Variants in LMF1 observed in about 807,000 individuals in gnomAD.
LMF1 encodes transmembrane protein 112.
LMF1 carries 68 observed loss-of-function variants against 60.6 expected under a neutral mutation model. That is an observed-to-expected ratio of 1.12 (90% CI 0.92 to 1.37). LMF1 has a LOEUF of 1.37. Among genes scored for constraint, LMF1 ranks in the 40% most tolerant of loss-of-function variants. The pLI is 0.00. For missense variants in LMF1, 948 were observed against 767.2 expected, an observed-to-expected ratio of 1.24 and a Z score of -2.78; for synonymous variants, 418 against 324.7, an observed-to-expected ratio of 1.29 and a Z score of -3.09.
Position 854,833 on chromosome 16 carries a change from C to T in LMF1, c.1530-127G>A, listed in dbSNP as rs1339540569. 11 of 874,214 alleles carry T rather than the reference C, an allele frequency of 1.3e-5. No individual in the cohort carries two copies. The South Asian group carries it at 1.6e-4, about 13-fold the overall frequency. The allele number at this position is 874,214 out of a possible 1,614,324, so 54.2% of individuals were successfully genotyped here. On this transcript the variant is annotated intron_variant, in intron 10 of 10. Coordinates refer to ENST00000262301, the MANE Select transcript of LMF1 (RefSeq NM_022773.4). ...ACGGACAGAGGGGCTGCATGAGGAGCCCCCACCCTGAGCACAGGTAGACCC... is the reference window on the plus strand; with the variant it reads ...ACGGACAGAGGGGCTGCATGAGGAGTCCCCACCCTGAGCACAGGTAGACCC...
At chr16:951,725 C>T (rs992978474) in intron 2 of LMF1, among the ~76,000 whole-genome samples, 1 of 152,190 alleles carries the variant, frequency 6.6e-6, no homozygotes. Context: ...GCTCATGACT[C>T]CTGCAGACCC....
chr16:970,290 G>C (rs1411941228), intron 1 of LMF1, among the ~76,000 whole-genome samples: 1 of 152,082 alleles, frequency 6.6e-6, no homozygotes, highest in East Asian at 1.9e-4. Flanking sequence ...TGTGGCGTGC[G>C]GGCGTCCAGT....
At chr16:927,342 G>A (rs777942974) in intron 3 of LMF1, among the ~76,000 whole-genome samples, 15 of 152,222 alleles carry the variant, frequency 9.9e-5, no homozygotes, top group Admixed American at 2.0e-4. Flanking sequence ...CAGGTGACAG[G>A]GAAGGGCTCT....
intron 1 of LMF1, among the ~76,000 whole-genome samples, chr16:970,549 G>T (rs1026339151): frequency 6.6e-6 from 1 of 152,152 alleles, no homozygotes; most frequent in African/African-American, 2.4e-5. Context: ...GGGTGGAACC[G>T]GGAGCCCAGG....
At chr16:943,726 CAAAAAAAA>C (rs3057499) in intron 2 of LMF1, among the ~76,000 whole-genome samples, 5 of 56,816 alleles carry the variant, frequency 8.8e-5, no homozygotes, top group South Asian at 8.5e-4. Flanking sequence ...GACTCTGTCT[CAAAAAAAA>C]AAAAAAAAAA....
At chr16:913,366 C>A (rs1320311673) in intron 3 of LMF1, among the ~76,000 whole-genome samples, 1 of 152,262 alleles carries the variant, frequency 6.6e-6, no homozygotes, top group East Asian at 1.9e-4. Context: ...GCGACACAGA[C>A]AGCGTTGGCC....
At chr16:911,108 G>C (rs746492837) in intron 3 of LMF1, 29 bp from the exon 4 acceptor site, 5 of 1,601,046 alleles carry the variant, frequency 3.1e-6, no homozygotes, top group Non-Finnish European at 3.4e-6. Context: ...CCAAAGGTGA[G>C]TTAATGGAAG....
chr16:907,570 A>C (rs915425891), intron 4 of LMF1, among the ~76,000 whole-genome samples: 5 of 152,030 alleles, frequency 3.3e-5, no homozygotes, highest in African/African-American at 1.2e-4. Flanking sequence ...TGAGGAACCC[A>C]GTGGTTAGGG....
At chr16:960,382 G>A (rs77090395) in intron 1 of LMF1, among the ~76,000 whole-genome samples, 4,192 of 57,504 alleles carry the variant, frequency 0.073, 249 homozygotes, top group African/African-American at 0.22. Flanking sequence ...CACGGTGACA[G>A]CACGGGATCA....
intron 6 of LMF1, among the ~76,000 whole-genome samples, chr16:877,654 C>T (rs966487580): frequency 2.6e-5 from 4 of 152,218 alleles, no homozygotes; most frequent in African/African-American, 9.7e-5. Context: ...AAACAACCCA[C>T]AGCCGGCATC....
At chr16:863,394 G>A (rs1567142830) in intron 10 of LMF1, among the ~76,000 whole-genome samples, 1 of 152,108 alleles carries the variant, frequency 6.6e-6, no homozygotes, top group Admixed American at 6.5e-5. Context: ...CACCCGCCTT[G>A]GCCTCCCAAA....
In LMF1 at chr16:903,008, T is replaced by C. The variant is rs1187805688; in HGVS notation, c.663+7923A>G. ...GCGTGGTGGTGACCTCTGCACTGCC[T>C]GTGGGGACGCCTGTCTCTGCTGTGT... is the stretch of plus-strand genomic sequence containing the variant. On this transcript the variant is annotated intron_variant, in intron 4 of 10. Transcript: ENST00000262301. Among the ~76,000 whole-genome samples, 185 of 47,602 alleles carry C rather than the reference T, an allele frequency of 3.9e-3. 4 individuals are homozygous for C. Among genetic ancestry groups the C allele is most frequent in the Non-Finnish European group, 4.0e-3 (122 of 30,134 alleles). The allele number at this position is 47,602 out of a possible 152,430, so 31.2% of individuals were successfully genotyped here. A position where few individuals can be genotyped will look rare whatever the true frequency, so the allele number is the denominator to read the frequency against.
chr16:964,530 C>G (rs901904122), intron 1 of LMF1, among the ~76,000 whole-genome samples: 10 of 152,038 alleles, frequency 6.6e-5, no homozygotes, highest in African/African-American at 2.4e-4. Context: ...TTTAAACAAG[C>G]AAGTATTTTA....
intron 1 of LMF1, chr16:979,029 T>C (rs2073258534): frequency 4.4e-6 from 2 of 453,928 alleles, no homozygotes; most frequent in African/African-American, 4.0e-5. Flanking sequence ...AGTTACCTGC[T>C]GCCTGCCTCC....
rs1461365340 is a variant in LMF1 at position 869,744 on chromosome 16, C to T, written c.1416+139G>A. ...CTGGATGTCGTGTGGGCTCAGTTCT[C>T]AGCTCAGGCAGGATCCCATCTCTCC... On this transcript the variant is annotated intron_variant, in intron 9 of 10. Transcript: ENST00000262301. 6.5e-6 allele frequency: 6 copies of T among 918,794 alleles called. No homozygotes were observed. The African/African-American group carries it at 8.2e-5, about 13-fold the overall frequency. 56.9% of individuals were successfully genotyped at this position (918,794 alleles called of 1,614,324 possible).
chr16:882,668 C>G (rs772207215), intron 5 of LMF1, among the ~76,000 whole-genome samples: 21 of 151,970 alleles, frequency 1.4e-4, no homozygotes, highest in Non-Finnish European at 2.1e-4. Context: ...ATCACAGGAC[C>G]AGGAGAAAGA....
intron 4 of LMF1, among the ~76,000 whole-genome samples, chr16:907,722 A>G (rs1338489515): frequency 6.6e-6 from 1 of 152,184 alleles, no homozygotes; most frequent in Non-Finnish European, 1.5e-5. Flanking sequence ...CTCTGTCCAC[A>G]GGGTGGTTCA....
intron 3 of LMF1, among the ~76,000 whole-genome samples, chr16:930,817 T>A (rs1353146738): frequency 6.6e-6 from 1 of 152,160 alleles, no homozygotes; most frequent in Non-Finnish European, 1.5e-5. Flanking sequence ...CTCTGCAGAC[T>A]GCTGGGCTGA....
intron 1 of LMF1, among the ~76,000 whole-genome samples, chr16:967,455 CACAG>C (rs1485525057): frequency 6.6e-6 from 1 of 152,238 alleles, no homozygotes; most frequent in African/African-American, 2.4e-5. Context: ...TTATTGCGCA[CACAG>C]ACAGCAGCAG....
Sources: gnomAD v4.1 joint callset for allele counts (sites outside exome capture counted in the v4.1 genomes callset) on GRCh38, gnomAD v4.1.1 for gene constraint, MANE v1.5 for transcripts, NCBI Gene and HGNC (gene_info 2026-07-23, HGNC 2026-07-21) for gene names.